The following UIMC1 variants were observed in gnomAD, a reference collection of about 807,000 sequenced individuals.
UIMC1 encodes ubiquitin interaction motif containing 1.
In UIMC1, 42 loss-of-function variants were observed where a neutral mutation model predicts 84.9. That is an observed-to-expected ratio of 0.49 (90% CI 0.39 to 0.64). The LOEUF is 0.64. Ranked by LOEUF, UIMC1 falls within the 30% of genes least tolerant of loss-of-function variation. UIMC1 has a pLI of 0.00. For synonymous variants in UIMC1, 281 were observed against 293.0 expected, an observed-to-expected ratio of 0.96 and a Z score of 0.42; for missense variants, 825 against 847.6, an observed-to-expected ratio of 0.97 and a Z score of 0.33.
rs374846412 is a variant in UIMC1 at position 177,003,654 on chromosome 5, AAAACAAAC to A, written c.-9+2988_-9+2995del. On this transcript the variant is annotated intron_variant, in intron 1 of 14. Coordinates refer to ENST00000511320, the MANE Select transcript of UIMC1 (RefSeq NM_001199298.2). ...GGCGACAGAATGAGACTCTGTCTCA[AAAACAAAC>A]AAACAAACAAACAAACAAAAAACTT... 3.5e-4 allele frequency among the ~76,000 whole-genome samples: 53 copies of A among 152,254 alleles called. No individual in the cohort carries two copies. The South Asian group carries it at 5.0e-3, about 14-fold the overall frequency.
At chr5:176,951,408 T>C in intron 9 of UIMC1, 66 bp downstream of exon 9, 1 of 1,241,838 alleles carries the variant, frequency 8.1e-7, no homozygotes, top group Non-Finnish European at 1.1e-6. Context: ...ATGTCAACGT[T>C]GCATCAGAGA....
intron 2 of UIMC1, among the ~76,000 whole-genome samples, chr5:176,979,550 C>G (rs1156517681): frequency 6.6e-6 from 1 of 151,576 alleles, no homozygotes; most frequent in African/African-American, 2.4e-5. Context: ...TCGCAGTGAG[C>G]CGAGATTGCA....
intron 10 of UIMC1, among the ~76,000 whole-genome samples, chr5:176,932,504 T>TATAG (rs147552199): frequency 6.6e-6 from 1 of 151,260 alleles, no homozygotes; most frequent in Admixed American, 6.6e-5. Context: ...AGGAGACAGA[T>TATAG]ATAGATAGAT....
At chr5:176,953,495 T>TACACACACACACACAC (rs137955830) in intron 8 of UIMC1, among the ~76,000 whole-genome samples, 3,179 of 136,882 alleles carry the variant, frequency 0.023, 142 homozygotes, top group African/African-American at 0.076. Context: ...ACTGGACACA[T>TACACACACACACACAC]ACACACACAC....
At chr5:176,970,482 T>TCAA in intron 4 of UIMC1, 1 of 475,404 alleles carries the variant, frequency 2.1e-6, no homozygotes, top group Non-Finnish European at 3.8e-6. Context: ...TCAGAAGCTG[T>TCAA]CAACTTATGA....
At chr5:177,019,270 C>T (rs1479902304) in intron 1 of UIMC1, among the ~76,000 whole-genome samples, 1 of 152,102 alleles carries the variant, frequency 6.6e-6, no homozygotes, top group African/African-American at 2.4e-5. Context: ...TTTATCATCA[C>T]TTATGAAGAA....
chr5:176,917,571 C>G (rs577604385), intron 10 of UIMC1, among the ~76,000 whole-genome samples: 32 of 152,150 alleles, frequency 2.1e-4, no homozygotes, highest in African/African-American at 7.5e-4. Flanking sequence ...GACTCTGTCT[C>G]AAACAAAACA....
intron 10 of UIMC1, among the ~76,000 whole-genome samples, chr5:176,925,849 T>C (rs1476542347): frequency 6.6e-6 from 1 of 152,180 alleles, no homozygotes; most frequent in Non-Finnish European, 1.5e-5. Flanking sequence ...ATGCCCAAAC[T>C]CTGCAAATTT....
intron 3 of UIMC1, among the ~76,000 whole-genome samples, chr5:176,972,952 G>A (rs2149489394): frequency 7.0e-6 from 1 of 142,036 alleles, no homozygotes; most frequent in South Asian, 2.2e-4. Context: ...GTCTCTCTCT[G>A]TTGCCCAGGC....
intron 7 of UIMC1, 136 bp from the exon 8 acceptor site, chr5:176,956,171 G>A: frequency 1.5e-6 from 1 of 682,930 alleles, no homozygotes; most frequent in Non-Finnish European, 2.5e-6. Context: ...AGCACAATAG[G>A]AAAGCAAGGA....
At chr5:176,939,925 T>C (rs1764209128) in intron 10 of UIMC1, among the ~76,000 whole-genome samples, 2 of 152,128 alleles carry the variant, frequency 1.3e-5, no homozygotes, top group Admixed American at 6.5e-5. Context: ...AAAAAGCACA[T>C]TTACATCTAT....
Position 176,968,537 on chromosome 5 carries a change from A to G in UIMC1, c.1200+18T>C. 1 of 1,565,040 alleles carries G rather than the reference A, an allele frequency of 6.4e-7. No homozygotes were observed. Among genetic ancestry groups the G allele is most frequent in the Non-Finnish European group, 8.6e-7 (1 of 1,160,172 alleles). ...CTGTGAATAAATCATCCTTAATTAC[A>G]GCATCACTGACCCTTACCTGACCAT... On this transcript the variant is annotated intron_variant, in intron 6 of 14. Transcript: ENST00000511320.
At chr5:176,919,446 A>T (rs533121505) in intron 10 of UIMC1, among the ~76,000 whole-genome samples, 1 of 152,184 alleles carries the variant, frequency 6.6e-6, no homozygotes, top group African/African-American at 2.4e-5. Context: ...TTGTGGTATT[A>T]TATCTAGGAA....
At chr5:177,016,703 G>C (rs780664033) in intron 1 of UIMC1, among the ~76,000 whole-genome samples, 16 of 147,050 alleles carry the variant, frequency 1.1e-4, no homozygotes, top group Non-Finnish European at 1.9e-4. Flanking sequence ...CCTGGCAACA[G>C]AGTGAGACTC....
intron 8 of UIMC1, among the ~76,000 whole-genome samples, chr5:176,952,623 A>G (rs775597302): frequency 5.9e-5 from 9 of 152,140 alleles, no homozygotes; most frequent in Non-Finnish European, 1.3e-4. Flanking sequence ...AATATTTCCT[A>G]TCTAGTCTTT....
intron 9 of UIMC1, among the ~76,000 whole-genome samples, chr5:176,946,416 G>A (rs982294182): frequency 3.3e-5 from 5 of 152,088 alleles, no homozygotes; most frequent in African/African-American, 1.2e-4. Flanking sequence ...GGAGGCTGAG[G>A]CAGGAGAATC....
intron 2 of UIMC1, among the ~76,000 whole-genome samples, chr5:176,976,623 A>C (rs1010411228): frequency 1.3e-5 from 2 of 152,264 alleles, no homozygotes; most frequent in Admixed American, 1.3e-4. Flanking sequence ...GTACTGATAC[A>C]CACTACGAAA....
intron 2 of UIMC1, among the ~76,000 whole-genome samples, chr5:176,976,719 G>A (rs1243298679): frequency 3.3e-5 from 5 of 152,254 alleles, no homozygotes; most frequent in East Asian, 1.9e-4. Flanking sequence ...GACATGCCCA[G>A]AATGGGCAAA....
intron 8 of UIMC1, among the ~76,000 whole-genome samples, chr5:176,954,411 T>C (rs1040486446): frequency 6.6e-6 from 1 of 152,074 alleles, no homozygotes; most frequent in African/African-American, 2.4e-5. Flanking sequence ...TCCAAACACA[T>C]TTCAAATGAA....
Sources: allele counts gnomAD v4.1 joint callset (sites outside exome capture counted in the v4.1 genomes callset), GRCh38; gene constraint gnomAD v4.1.1; transcripts MANE v1.5; gene names NCBI Gene and HGNC (gene_info 2026-07-23, HGNC 2026-07-21).